Variants in QTRT1 observed in about 807,000 individuals in gnomAD.
The protein encoded by QTRT1 is queuine tRNA-ribosyltransferase catalytic subunit 1.
Under a neutral mutation model 44.0 loss-of-function variants are expected in QTRT1, and 41 were observed. The observed-to-expected ratio is 0.93, with a 90% CI of 0.73 to 1.21. QTRT1 has a LOEUF of 1.21. Among genes scored for constraint, QTRT1 ranks in the 50% most tolerant of loss-of-function variants. The pLI is 0.00. For synonymous variants in QTRT1, 226 were observed against 237.1 expected (o/e 0.95, Z 0.43); for missense variants, 542 against 575.8 (o/e 0.94, Z 0.60).
At chr19:10,701,842 C>G in intron 1 of QTRT1, 108 bp from the exon 2 acceptor site, 2 of 1,576,202 alleles carry the variant, frequency 1.3e-6, no homozygotes, top group Non-Finnish European at 1.7e-6. Context: ...AGGCCTTGTA[C>G]TGGGCGTGAA....
intron 3 of QTRT1, among the ~76,000 whole-genome samples, chr19:10,703,020 C>T (rs1384306067): frequency 2.7e-5 from 4 of 148,032 alleles, no homozygotes; most frequent in East Asian, 2.0e-4. Flanking sequence ...CCGCCTGCCT[C>T]GGCCTCCCAG....
chr19:10,712,172 C>T lies in QTRT1; in HGVS notation c.658C>T (p.Arg220Ter), dbSNP rs1195458367. ...RATCLEEMTK[R>*]DVPGFAIGGL... ...CCCTGTACCCTCAGAGATGACCAAGCGAGACGTGCCTGGCTTCGCCATCGG... is the reference window on the plus strand; with the variant it reads ...CCCTGTACCCTCAGAGATGACCAAGTGAGACGTGCCTGGCTTCGCCATCGG... Residue 220 changes from arginine (R) to a stop codon, truncating the protein, a stop_gained, in exon 6 of 10, where the codon CGA (arginine) becomes TGA (stop). Coordinates refer to ENST00000250237, the MANE Select transcript of QTRT1 (RefSeq NM_031209.3). LOFTEE classifies it high-confidence loss of function. This position sits in a 1 kb window ranked among gnomAD's most constrained non-coding sequence, Gnocchi z 5.6. The T allele has an allele frequency of 1.7e-5, 28 of 1,612,820 alleles. No individual in the cohort carries two copies. The highest frequency in any genetic ancestry group is 4.5e-5 in the East Asian group (2 of 44,900).
Position 10,713,178 on chromosome 19 carries a change from C to T in QTRT1, c.1120C>T (p.Arg374Trp), listed in dbSNP as rs968107396. 22 of 1,609,552 alleles carry T rather than the reference C, an allele frequency of 1.4e-5. No individual in the cohort carries two copies. The highest frequency in any genetic ancestry group is 1.9e-5 in the Non-Finnish European group (22 of 1,178,150). Residue 374 changes from arginine to tryptophan, a missense_variant, in exon 10 of 10, where the codon CGG becomes TGG. Transcript: ENST00000250237. This position sits in a 1 kb window ranked among gnomAD's most constrained non-coding sequence, Gnocchi z 4.3. Reference protein sequence around the residue: ...IVEKRFPDFVRDFMGAMYGDP... With the variant: ...IVEKRFPDFVWDFMGAMYGDP... ...GGAGAAGCGCTTCCCGGACTTCGTG[C>T]GGGACTTCATGGGCGCCATGTACGG...
At chr19:10,704,651 A>G (rs1410403467) in intron 3 of QTRT1, among the ~76,000 whole-genome samples, 58 of 138,860 alleles carry the variant, frequency 4.2e-4, no homozygotes, top group Middle Eastern at 9.4e-3. Context: ...GCAATGGCGC[A>G]ATCTCGGCTC....
chr19:10,707,629 C>G lies in QTRT1; in HGVS notation c.646+14C>G, dbSNP rs771298096. 6.4e-7 allele frequency: 1 copy of G among 1,572,968 alleles called. No homozygotes were observed. The highest frequency in any genetic ancestry group is 1.1e-5 in the South Asian group (1 of 87,860). The stretch of plus-strand genomic sequence containing the variant: ...CCTGCCTTGAAGGTAGAGCCATGCG[C>G]TGGCAGGCCCAGGGCTTGGCCATCG... On this transcript the variant is annotated intron_variant, in intron 5 of 9. Coordinates refer to ENST00000250237, the MANE Select transcript of QTRT1 (RefSeq NM_031209.3).
chr19:10,712,338 G>A lies in QTRT1; in HGVS notation c.785+39G>A. The stretch of plus-strand genomic sequence containing the variant: ...AGGGAAGCCAGAGCCCTACCTGTGG[G>A]AAGTGGATTCCTGGGGACCCCCTAC... On this transcript the variant is annotated intron_variant, in intron 6 of 9. Coordinates refer to ENST00000250237, the MANE Select transcript of QTRT1 (RefSeq NM_031209.3). The surrounding 1 kb of genome is among the most constrained non-coding windows in gnomAD (Gnocchi z 5.6). The A allele has an allele frequency of 6.3e-7, 1 of 1,581,050 alleles. No homozygotes were observed. The highest frequency in any genetic ancestry group is 8.6e-7 in the Non-Finnish European group (1 of 1,163,020).
At chr19:10,711,462 C>T (rs1441693038) in intron 5 of QTRT1, 5 of 151,084 alleles carry the variant, frequency 3.3e-5, no homozygotes, top group Non-Finnish European at 5.9e-5. Flanking sequence ...TGAGTCACCG[C>T]GCCCGGCCCT....
In QTRT1 at chr19:10,702,156, C is replaced by A; in HGVS notation, c.353C>A (p.Ser118Tyr). The A allele has an allele frequency of 1.2e-6, 2 of 1,614,122 alleles. No homozygotes were observed. The highest frequency in any genetic ancestry group is 1.7e-6 in the Non-Finnish European group (2 of 1,180,040). The change falls in exon 3 of 10, where the codon TCC (serine) becomes TAC (tyrosine). Residue 118 changes from serine to tyrosine, a missense_variant. Coordinates refer to ENST00000250237, the MANE Select transcript of QTRT1 (RefSeq NM_031209.3). ...CAGATGGTGTCGCTGGTGTCTCTGT[C>A]CGAGGTGACGGAGGAGGGCGTCCGC... Reference protein sequence around the residue: ...GFQMVSLVSLSEVTEEGVRFR... With the variant: ...GFQMVSLVSLYEVTEEGVRFR...
chr19:10,702,443 T>C (rs1421136940), intron 3 of QTRT1, among the ~76,000 whole-genome samples, 189 bp downstream of exon 3: 1 of 152,104 alleles, frequency 6.6e-6, no homozygotes, highest in Non-Finnish European at 1.5e-5. Flanking sequence ...ACATATGAGA[T>C]GATGTCAGTA....
intron 3 of QTRT1, among the ~76,000 whole-genome samples, chr19:10,702,895 G>A (rs1182088505): frequency 6.8e-6 from 1 of 146,720 alleles, no homozygotes; most frequent in African/African-American, 2.5e-5. Context: ...TCAGCCTCCC[G>A]AGTAGCTGGG....
At chr19:10,704,138 T>C (rs1441521719) in intron 3 of QTRT1, among the ~76,000 whole-genome samples, 1 of 151,550 alleles carries the variant, frequency 6.6e-6, no homozygotes, top group East Asian at 2.0e-4. Context: ...TGAGCCACCA[T>C]GCCCGGCCAA....
chr19:10,701,619 C>T lies in QTRT1; in HGVS notation c.159C>T (p.Thr53=), dbSNP rs2068689206. 1.2e-6 allele frequency: 2 copies of T among 1,605,352 alleles called. No individual in the cohort carries two copies. The highest frequency in any genetic ancestry group is 1.7e-6 in the Non-Finnish European group (2 of 1,177,138). The change falls in exon 1 of 10, where the codon ACC becomes ACT. Residue 53 remains threonine (T), a synonymous_variant. Coordinates refer to ENST00000250237, the MANE Select transcript of QTRT1 (RefSeq NM_031209.3). The part of the protein sequence containing the change: ...PVFMPVGTQA[T]MKGITTEQLD... Reference sequence around the variant, plus strand: ...TCATGCCAGTGGGCACGCAGGCCACCATGAAGGGCATCACGACCGAACAGC... The same window carrying T: ...TCATGCCAGTGGGCACGCAGGCCACTATGAAGGGCATCACGACCGAACAGC...
At chr19:10,709,584 G>A (rs1207279741) in intron 5 of QTRT1, among the ~76,000 whole-genome samples, 1 of 152,046 alleles carries the variant, frequency 6.6e-6, no homozygotes, top group Admixed American at 6.6e-5. Flanking sequence ...GTGGTGGCTC[G>A]CGCCTGTAAT....
chr19:10,708,252 C>T (rs190316738), intron 5 of QTRT1, among the ~76,000 whole-genome samples: 2 of 152,176 alleles, frequency 1.3e-5, no homozygotes, highest in East Asian at 1.9e-4. Context: ...CGTGAGCCAC[C>T]GTACCTGGCC....
intron 5 of QTRT1, chr19:10,711,844 C>A: frequency 2.2e-6 from 1 of 455,692 alleles, no homozygotes; most frequent in East Asian, 4.2e-5. Context: ...CTGGTTCCAA[C>A]AGTTTCAGCT....
rs1410774529 is a variant in QTRT1 at position 10,712,445 on chromosome 19, G to T, written c.786-108G>T. 2 of 1,453,380 alleles carry T rather than the reference G, an allele frequency of 1.4e-6. No individual in the cohort carries two copies. Among genetic ancestry groups the T allele is most frequent in the Non-Finnish European group, 9.6e-7 (1 of 1,042,472 alleles). 90.0% of individuals were successfully genotyped at this position (1,453,380 alleles called of 1,614,324 possible). A position where few individuals can be genotyped will look rare whatever the true frequency, so the allele number is the denominator to read the frequency against. ...TAGGAAGACATGGCTGTCCCTTGGG[G>T]GCCATTCTGAGGGAATATGGCCCAG... On this transcript the variant is annotated intron_variant, in intron 6 of 9. Transcript: ENST00000250237. The surrounding 1 kb of genome is among the most constrained non-coding windows in gnomAD (Gnocchi z 5.6).
At position 10,707,530 on chromosome 19, in the gene QTRT1, A is replaced by G. The variant is rs756846896; in HGVS notation, c.561A>G (p.Ala187=). The change falls in exon 5 of 10, where the codon GCA becomes GCG. Residue 187 remains alanine, a synonymous_variant. Coordinates refer to ENST00000250237, the MANE Select transcript of QTRT1 (RefSeq NM_031209.3). ...TCCGCTGGCTGGACCGGTGCATTGCAGCCCATCAGCGGCCGGACAAGCAGA... is the reference window on the plus strand; with the variant it reads ...TCCGCTGGCTGGACCGGTGCATTGCGGCCCATCAGCGGCCGGACAAGCAGA... ...RSIRWLDRCI[A]AHQRPDKQNL... is the part of the protein sequence containing the mutation. The G allele has an allele frequency of 1.4e-5, 23 of 1,613,164 alleles. No individual in the cohort carries two copies. Among genetic ancestry groups the G allele is most frequent in the Non-Finnish European group, 1.9e-5 (23 of 1,179,562 alleles).
At position 10,713,038 on chromosome 19, in the gene QTRT1, C is replaced by T. The variant is rs2068746752; in HGVS notation, c.1057C>T (p.Gln353Ter). The T allele has an allele frequency of 1.2e-6, 2 of 1,610,848 alleles. No homozygotes were observed. The highest frequency in any genetic ancestry group is 2.7e-5 in the African/African-American group (2 of 75,058). The change falls in exon 9 of 10, where the codon CAG becomes TAG. Residue 353 changes from glutamine to a stop codon, truncating the protein, a stop_gained and splice_region_variant. Transcript: ENST00000250237. LOFTEE classifies it high-confidence loss of function. This position sits in a 1 kb window ranked among gnomAD's most constrained non-coding sequence, Gnocchi z 4.3. ...CCTCACGGTCCACAACATCGCCTAC[C>T]AGGTGAGCCAGTGCCCGGGGCAAGG... ...HHLTVHNIAY[Q>*]LQLMSAVRTS... is the part of the protein sequence containing the mutation.
intron 3 of QTRT1, among the ~76,000 whole-genome samples, chr19:10,706,030 A>G (rs1280759122): frequency 6.8e-6 from 1 of 146,916 alleles, no homozygotes; most frequent in African/African-American, 2.5e-5. Context: ...AATTTTTTGT[A>G]TTTTTAGCAG....
Sources: allele counts gnomAD v4.1 joint callset (sites outside exome capture counted in the v4.1 genomes callset), GRCh38; gene constraint gnomAD v4.1.1; non-coding constraint Gnocchi (gnomAD v3.1); transcripts MANE v1.5; gene names NCBI Gene and HGNC (gene_info 2026-07-23, HGNC 2026-07-21).